The following SLC35D4 variants were observed in gnomAD, a reference collection of about 807,000 sequenced individuals.
The protein encoded by SLC35D4 is UDP-N-acetylglucosamine transporter SLC35D4.
At chr18:23,430,544 T>A in the SLC35D4 span, 4 of 1,139,898 alleles carry the variant, frequency 3.5e-6, no homozygotes, top group South Asian at 1.4e-5. Context: ...ACAAAAAAAA[T>A]CTATGCAGTT....
the SLC35D4 span, among the ~76,000 whole-genome samples, chr18:23,248,188 G>A: frequency 1.3e-5 from 2 of 152,194 alleles, no homozygotes; most frequent in African/African-American, 4.8e-5. Context: ...CAGGGAGTGT[G>A]GCGCAGGGGC....
At chr18:23,290,013 C>G in the SLC35D4 span, among the ~76,000 whole-genome samples, 1 of 152,334 alleles carries the variant, frequency 6.6e-6, no homozygotes, top group East Asian at 1.9e-4. Flanking sequence ...CACACAAAGC[C>G]TGTTTGGTGG....
At chr18:23,407,663 A>G in the SLC35D4 span, among the ~76,000 whole-genome samples, 2 of 152,170 alleles carry the variant, frequency 1.3e-5, no homozygotes, top group African/African-American at 4.8e-5. Flanking sequence ...GGAACTTTAA[A>G]TTAAATAATT....
the SLC35D4 span, among the ~76,000 whole-genome samples, chr18:23,299,372 C>CG: frequency 6.6e-6 from 1 of 152,200 alleles, no homozygotes; most frequent in Non-Finnish European, 1.5e-5. Context: ...GTGGTCCTCC[C>CG]GGTGGGCCAC....
the SLC35D4 span, among the ~76,000 whole-genome samples, chr18:23,418,516 A>G: frequency 1.3e-5 from 2 of 151,136 alleles, no homozygotes; most frequent in Non-Finnish European, 3.0e-5. Flanking sequence ...TGCTGGGCTC[A>G]TTTTTGTATT....
At chr18:23,336,793 T>A in the SLC35D4 span, among the ~76,000 whole-genome samples, 226 of 152,102 alleles carry the variant, frequency 1.5e-3, no homozygotes, top group African/African-American at 5.0e-3. Flanking sequence ...ACCATCCAGG[T>A]GGTGGAGAAA....
chr18:23,319,253 T>C, the SLC35D4 span, among the ~76,000 whole-genome samples: 3 of 42,562 alleles, frequency 7.0e-5, no homozygotes, highest in East Asian at 1.1e-3. Context: ...GCTTTATTTA[T>C]TTATTTATTT....
the SLC35D4 span, among the ~76,000 whole-genome samples, chr18:23,263,359 AGAG>A: frequency 6.6e-6 from 1 of 152,178 alleles, no homozygotes; most frequent in Non-Finnish European, 1.5e-5. Context: ...TTTTCCCTGC[AGAG>A]GAGAAGGGAT....
At chr18:23,347,925 A>G in the SLC35D4 span, among the ~76,000 whole-genome samples, 3 of 152,196 alleles carry the variant, frequency 2.0e-5, no homozygotes, top group Non-Finnish European at 4.4e-5. Flanking sequence ...TTAAGATGGA[A>G]GCATAAGTTA....
the SLC35D4 span, among the ~76,000 whole-genome samples, chr18:23,413,697 G>A: frequency 2.0e-5 from 3 of 152,016 alleles, no homozygotes; most frequent in Admixed American, 6.6e-5. Flanking sequence ...GGCTGAGGTG[G>A]GTAGATCACC....
the SLC35D4 span, among the ~76,000 whole-genome samples, chr18:23,337,474 CAAAA>C: frequency 9.2e-6 from 1 of 108,458 alleles, no homozygotes. Context: ...GACTCCGTCT[CAAAA>C]AAAAAAAAAA....
the SLC35D4 span, chr18:23,258,979 A>AAGAC: frequency 1.3e-5 from 2 of 150,086 alleles, no homozygotes; most frequent in Admixed American, 6.6e-5. Context: ...AATCAGTTGT[A>AAGAC]AGACAGTGAT....
the SLC35D4 span, chr18:23,385,190 C>T: frequency 2.4e-6 from 2 of 832,728 alleles, no homozygotes; most frequent in Non-Finnish European, 3.7e-6. Context: ...TATATAATCA[C>T]TCCAGCAAAG....
the SLC35D4 span, among the ~76,000 whole-genome samples, chr18:23,331,997 C>G: frequency 6.6e-6 from 1 of 151,258 alleles, no homozygotes; most frequent in African/African-American, 2.4e-5. Flanking sequence ...GCAATCCTCC[C>G]ACTTCAGCCT....
chr18:23,253,805 T>C, the SLC35D4 span: 1 of 1,614,234 alleles, frequency 6.2e-7, no homozygotes, highest in Non-Finnish European at 8.5e-7. Flanking sequence ...GGCCTTCGTC[T>C]ACTTTGAAAA....
the SLC35D4 span, among the ~76,000 whole-genome samples, chr18:23,414,331 A>AAGGAAGGCAGGCAGGCAGGC: frequency 7.1e-6 from 1 of 140,448 alleles, no homozygotes; most frequent in Non-Finnish European, 1.5e-5. Context: ...GGAAGGAAGG[A>AAGGAAGGCAGGCAGGCAGGC]AGGCAGGCAG....
At chr18:23,410,751 C>T in the SLC35D4 span, among the ~76,000 whole-genome samples, 1 of 152,088 alleles carries the variant, frequency 6.6e-6, no homozygotes, top group Non-Finnish European at 1.5e-5. Context: ...GGGCCAAGAT[C>T]GCACCACTGC....
chr18:23,319,758 T>C, the SLC35D4 span, among the ~76,000 whole-genome samples: 1 of 152,136 alleles, frequency 6.6e-6, no homozygotes, highest in Non-Finnish European at 1.5e-5. Flanking sequence ...ACTGTAAAGA[T>C]GTCATTTCTG....
chr18:23,302,471 A>AAGGTTTT, the SLC35D4 span, among the ~76,000 whole-genome samples: 1 of 152,230 alleles, frequency 6.6e-6, no homozygotes, highest in Non-Finnish European at 1.5e-5. Context: ...TACAAGGCAC[A>AAGGTTTT]GAACAACCCC....
Sources: gnomAD v4.1 joint callset for allele counts (sites outside exome capture counted in the v4.1 genomes callset) on GRCh38, gnomAD v4.1.1 for gene constraint, MANE v1.5 for transcripts, NCBI Gene and HGNC (gene_info 2026-07-23, HGNC 2026-07-21) for gene names.